UPP2: variants seen among roughly 807,000 people sequenced by gnomAD.
UPP2 encodes the protein UPase 2.
Under a neutral mutation model 26.7 loss-of-function variants are expected in UPP2, and 23 were observed. The observed-to-expected ratio is 0.86, with a 90% CI of 0.62 to 1.22. UPP2 has a LOEUF of 1.22. Ranked by LOEUF, UPP2 falls within the 50% of genes most tolerant of loss-of-function variation. UPP2 has a pLI of 0.00. For synonymous variants in UPP2, 127 were observed against 141.3 expected (o/e 0.90, Z 0.72); for missense variants, 387 against 396.7 (o/e 0.98, Z 0.21).
At chr2:158,053,446 AT>A (rs1390042728) in intron 3 of UPP2, among the ~76,000 whole-genome samples, 1 of 152,158 alleles carries the variant, frequency 6.6e-6, no homozygotes, top group Non-Finnish European at 1.5e-5. Context: ...CCAGAGTTCA[AT>A]TTCAAGCAGT....
intron 3 of UPP2, among the ~76,000 whole-genome samples, chr2:158,070,227 G>A (rs1225968891): frequency 6.6e-6 from 1 of 152,078 alleles, no homozygotes; most frequent in East Asian, 1.9e-4. Flanking sequence ...ATTACCGTGT[G>A]GACTCTGTCT....
intron 3 of UPP2, among the ~76,000 whole-genome samples, chr2:158,044,016 T>A (rs1409376657): frequency 6.6e-6 from 1 of 152,146 alleles, no homozygotes; most frequent in Non-Finnish European, 1.5e-5. Context: ...ACTTGGCCCA[T>A]AAAAGGTGCT....
chr2:158,115,115 T>A lies in UPP2; in HGVS notation c.195T>A (p.Gly65=). ...MFGDVKFVCV[G]GSPNRMKAFA... Reference sequence around the variant, plus strand: ...TTTATTAACAGTTTGTCTGTGTCGGTGGGAGCCCCAACAGAATGAAAGCAT... The same window carrying A: ...TTTATTAACAGTTTGTCTGTGTCGGAGGGAGCCCCAACAGAATGAAAGCAT... The change falls in exon 3 of 7, where the codon GGT becomes GGA. Residue 65 remains glycine, a synonymous_variant. Transcript: ENST00000005756. 6.2e-7 allele frequency: 1 copy of A among 1,607,540 alleles called. No homozygotes were observed. The highest frequency in any genetic ancestry group is 1.1e-5 in the South Asian group (1 of 90,218).
intron 3 of UPP2, among the ~76,000 whole-genome samples, chr2:158,067,212 G>A (rs1029081768): frequency 2.0e-5 from 3 of 152,164 alleles, no homozygotes; most frequent in Admixed American, 2.0e-4. Context: ...TGATAAAATG[G>A]TGATGTGTAT....
At chr2:158,047,473 G>A (rs1684172802) in intron 3 of UPP2, among the ~76,000 whole-genome samples, 1 of 152,146 alleles carries the variant, frequency 6.6e-6, no homozygotes, top group Admixed American at 6.5e-5. Context: ...GCTGATATAA[G>A]GATTTTGTAG....
At chr2:158,075,619 T>C (rs1001210035) in intron 3 of UPP2, among the ~76,000 whole-genome samples, 4 of 151,902 alleles carry the variant, frequency 2.6e-5, no homozygotes, top group Non-Finnish European at 5.9e-5. Flanking sequence ...AGGAAGGAAA[T>C]TGAAAAATTT....
At chr2:158,049,964 T>TA (rs1465996498) in intron 3 of UPP2, among the ~76,000 whole-genome samples, 1 of 152,216 alleles carries the variant, frequency 6.6e-6, no homozygotes, top group Non-Finnish European at 1.5e-5. Context: ...CCATTTGAAA[T>TA]AAAAATCCCC....
chr2:158,106,087 T>C lies in UPP2; in HGVS notation c.63-12T>C. Reference sequence around the variant, plus strand: ...TTCTTTTATATCTTCTTTGTATAATTTTTTTTTCCAGAAAAAGGTTTGTTC... The same window carrying C: ...TTCTTTTATATCTTCTTTGTATAATCTTTTTTTCCAGAAAAAGGTTTGTTC... On this transcript the variant is annotated splice_polypyrimidine_tract_variant and intron_variant, in intron 1 of 6. Coordinates refer to ENST00000005756, the MANE Select transcript of UPP2 (RefSeq NM_173355.4). The C allele has an allele frequency of 6.4e-7, 1 of 1,558,226 alleles. No homozygotes were observed. The highest frequency in any genetic ancestry group is 8.7e-7 in the Non-Finnish European group (1 of 1,152,928).
intron 3 of UPP2, among the ~76,000 whole-genome samples, chr2:158,067,018 G>A (rs1403624103): frequency 6.6e-6 from 1 of 152,004 alleles, no homozygotes; most frequent in Admixed American, 6.6e-5. Flanking sequence ...ATATTTATCA[G>A]AAGTTGTTTA....
At chr2:158,036,368 C>A (rs1003793679) in intron 3 of UPP2, among the ~76,000 whole-genome samples, 2 of 152,146 alleles carry the variant, frequency 1.3e-5, no homozygotes, top group Non-Finnish European at 2.9e-5. Context: ...TACCCCCGAG[C>A]GCTTGGTGGA....
chr2:158,122,956 G>A (rs35407621), intron 5 of UPP2, among the ~76,000 whole-genome samples: 3,872 of 152,200 alleles, frequency 0.025, 111 homozygotes, highest in East Asian at 0.14. Flanking sequence ...AAGAGATAGA[G>A]GAAAGGGAGA....
At chr2:158,055,337 G>C (rs1682230385) in intron 3 of UPP2, among the ~76,000 whole-genome samples, 1 of 152,146 alleles carries the variant, frequency 6.6e-6, no homozygotes, top group Admixed American at 6.6e-5. Flanking sequence ...CCATTCATAA[G>C]GGCAGAGCCC....
At chr2:158,130,423 C>T (rs1415505167) in intron 6 of UPP2, among the ~76,000 whole-genome samples, 1 of 148,810 alleles carries the variant, frequency 6.7e-6, no homozygotes, top group East Asian at 2.0e-4. Flanking sequence ...TGCACTCCAG[C>T]CTGGGTGACA....
At chr2:158,089,600 C>T (rs1300438198) in intron 3 of UPP2, among the ~76,000 whole-genome samples, 1 of 152,228 alleles carries the variant, frequency 6.6e-6, no homozygotes, top group African/African-American at 2.4e-5. Context: ...GTTCCTCTGG[C>T]AGCCCTCCCA....
intron 3 of UPP2, among the ~76,000 whole-genome samples, chr2:158,026,573 T>C (rs1244582838): frequency 6.6e-6 from 1 of 152,156 alleles, no homozygotes; most frequent in Non-Finnish European, 1.5e-5. Flanking sequence ...GAGGGGATAC[T>C]TCATAAGTCA....
Position 158,024,921 on chromosome 2 carries a change from G to T in UPP2, c.147+9035G>T, listed in dbSNP as rs181791903. ...TGCATAATCAAGATCAGAAAATAGGGCCAGGTGCAGTGGCTCACACCTGTA... is the reference window on the plus strand; with the variant it reads ...TGCATAATCAAGATCAGAAAATAGGTCCAGGTGCAGTGGCTCACACCTGTA... On this transcript the variant is annotated intron_variant, in intron 3 of 9. Coordinates refer to the UPP2 transcript ENST00000605860. 2.3e-3 allele frequency among the ~76,000 whole-genome samples: 352 copies of T among 152,236 alleles called. 19 individuals are homozygous for T. In the East Asian group the frequency reaches 0.055, roughly 24 times the overall value.
At chr2:158,122,352 C>CTT (rs1231386535) in intron 5 of UPP2, among the ~76,000 whole-genome samples, 10 of 152,018 alleles carry the variant, frequency 6.6e-5, no homozygotes, top group Non-Finnish European at 1.3e-4. Flanking sequence ...TTAGCTCAAA[C>CTT]TTAAGATATA....
chr2:158,094,061 G>A (rs1386986862), intron 3 of UPP2, among the ~76,000 whole-genome samples: 4 of 149,442 alleles, frequency 2.7e-5, no homozygotes, highest in East Asian at 2.0e-4. Flanking sequence ...ATACACACAC[G>A]CACACACCTT....
chr2:158,045,577 C>T (rs1172322348), intron 3 of UPP2, among the ~76,000 whole-genome samples: 1 of 152,140 alleles, frequency 6.6e-6, no homozygotes, highest in Non-Finnish European at 1.5e-5. Context: ...ACGACTTCAT[C>T]AAGTTGTCCA....
Sources: allele counts gnomAD v4.1 joint callset (sites outside exome capture counted in the v4.1 genomes callset), GRCh38; gene constraint gnomAD v4.1.1; transcripts MANE v1.5; gene names NCBI Gene and HGNC (gene_info 2026-07-23, HGNC 2026-07-21).